KLF8: variants seen among roughly 807,000 people sequenced by gnomAD.
KLF8 encodes the protein Krueppel-like factor 8.
In KLF8, 10 loss-of-function variants were observed where a neutral mutation model predicts 18.2. The observed-to-expected ratio is 0.55, with a 90% CI of 0.34 to 0.93. The LOEUF (loss-of-function observed/expected upper bound fraction) is 0.93, where lower values mean the gene tolerates loss of function less well. KLF8 is among the 40% of genes least tolerant of loss of function. KLF8 has a pLI of 0.02. For synonymous variants in KLF8, 109 were observed against 97.3 expected (o/e 1.12, Z -0.71); for missense variants, 264 against 277.9 (o/e 0.95, Z 0.36).
At chrX:56,147,147 T>C in the KLF8 span, among the ~76,000 whole-genome samples, 1 of 112,449 alleles carries the variant, frequency 8.9e-6, no homozygotes, top group African/African-American at 3.2e-5. Flanking sequence ...CCAGTCATCA[T>C]ATAATCAGGG....
chrX:56,051,844 G>A, the KLF8 span, among the ~76,000 whole-genome samples: 1 of 107,330 alleles, frequency 9.3e-6, no homozygotes, highest in African/African-American at 3.8e-5. Context: ...AGTTCTCCTG[G>A]ATAATACCCT....
chrX:55,942,335 A>G, the KLF8 span, among the ~76,000 whole-genome samples: 633 of 109,309 alleles, frequency 5.8e-3, 1 homozygote, highest in Non-Finnish European at 8.9e-3. Context: ...CATGGACACA[A>G]GAAGGGGAAC....
the KLF8 span, among the ~76,000 whole-genome samples, chrX:56,087,084 G>A: frequency 9.0e-6 from 1 of 111,281 alleles, no homozygotes; most frequent in African/African-American, 3.3e-5. Context: ...TTAAGTAGAG[G>A]CCTCTATTAG....
the KLF8 span, among the ~76,000 whole-genome samples, chrX:56,028,306 A>C: frequency 2.7e-5 from 3 of 110,990 alleles, no homozygotes; most frequent in Admixed American, 2.8e-4. Flanking sequence ...GCTAGCACGC[A>C]AAGTTTGGAA....
the KLF8 span, among the ~76,000 whole-genome samples, chrX:55,939,489 G>T: frequency 9.0e-6 from 1 of 111,195 alleles, no homozygotes; most frequent in Non-Finnish European, 1.9e-5. Context: ...GAGCAAACAC[G>T]TTCAAAATCT....
chrX:56,221,321 T>C, the KLF8 span, among the ~76,000 whole-genome samples: 9 of 111,544 alleles, frequency 8.1e-5, no homozygotes, highest in Admixed American at 9.5e-5. Flanking sequence ...CAACACAGAG[T>C]GGCCAAGGAC....
the KLF8 span, among the ~76,000 whole-genome samples, chrX:56,086,625 T>C: frequency 9.0e-6 from 1 of 111,243 alleles, no homozygotes; most frequent in Admixed American, 9.6e-5. Context: ...GCTTTATTCA[T>C]ATTCTTCTTA....
the KLF8 span, among the ~76,000 whole-genome samples, chrX:56,174,677 G>A: frequency 2.7e-5 from 3 of 111,813 alleles, no homozygotes; most frequent in Non-Finnish European, 5.6e-5. Context: ...AATGGTAACT[G>A]CTCCTCCTTG....
At chrX:56,213,262 C>T in the KLF8 span, among the ~76,000 whole-genome samples, 1 of 96,912 alleles carries the variant, frequency 1.0e-5, no homozygotes, top group African/African-American at 4.0e-5. Context: ...TTAAAATGAC[C>T]TATTTCTTTT....
the KLF8 span, among the ~76,000 whole-genome samples, chrX:56,129,706 G>A: frequency 9.1e-6 from 1 of 109,810 alleles, no homozygotes; most frequent in East Asian, 2.8e-4. Context: ...CCAGTGCGCA[G>A]ACTCAACAGG....
At chrX:56,039,952 G>T in the KLF8 span, among the ~76,000 whole-genome samples, 1 of 111,217 alleles carries the variant, frequency 9.0e-6, no homozygotes, top group Admixed American at 9.6e-5. Context: ...TTTCTTGTTA[G>T]CTCTATTCCT....
chrX:55,974,461 GA>G, the KLF8 span, among the ~76,000 whole-genome samples: 2 of 111,490 alleles, frequency 1.8e-5, 1 homozygote, highest in Non-Finnish European at 3.8e-5. Context: ...CAATAATAAG[GA>G]AAAAATAGAG....
At chrX:56,278,015 A>G (rs2067144852) in intron 5 of KLF8, among the ~76,000 whole-genome samples, 1 of 112,393 alleles carries the variant, frequency 8.9e-6, no homozygotes. Context: ...GCTTATCGTG[A>G]ATGCTGCTTG....
At chrX:56,235,052 C>A (rs1476664900) in intron 1 of KLF8, among the ~76,000 whole-genome samples, 1 of 111,005 alleles carries the variant, frequency 9.0e-6, no homozygotes, top group Admixed American at 9.6e-5. Context: ...AAAAAAATAA[C>A]CATGTAGCAG....
the KLF8 span, among the ~76,000 whole-genome samples, chrX:56,080,098 A>T: frequency 0.075 from 8,342 of 110,842 alleles, 779 homozygotes; most frequent in African/African-American, 0.26. Context: ...TTGACTCTTT[A>T]TCCAATTTGC....
chrX:56,216,780 A>AT, the KLF8 span, among the ~76,000 whole-genome samples: 1 of 108,651 alleles, frequency 9.2e-6, no homozygotes, highest in South Asian at 4.0e-4. Flanking sequence ...CTTTCCTCCA[A>AT]TTTTTCTGGC....
chrX:56,073,958 G>A, the KLF8 span, among the ~76,000 whole-genome samples: 6 of 111,469 alleles, frequency 5.4e-5, no homozygotes, highest in African/African-American at 2.0e-4. Context: ...ATGTTGGCCA[G>A]GCTGGTCTCG....
At chrX:55,995,245 C>G in the KLF8 span, among the ~76,000 whole-genome samples, 1 of 112,137 alleles carries the variant, frequency 8.9e-6, no homozygotes, top group Non-Finnish European at 1.9e-5. Flanking sequence ...ATTGATAGAT[C>G]TTCCTCATTC....
chrX:56,228,926 G>C (rs1378495434), upstream of KLF8, among the ~76,000 whole-genome samples: 1 of 111,521 alleles, frequency 9.0e-6, no homozygotes, highest in African/African-American at 3.3e-5. Flanking sequence ...TTTTCTGTTT[G>C]TATATTGCTT....
Sources: gnomAD v4.1 joint callset for allele counts (sites outside exome capture counted in the v4.1 genomes callset) on GRCh38, gnomAD v4.1.1 for gene constraint, MANE v1.5 for transcripts, NCBI Gene and HGNC (gene_info 2026-07-23, HGNC 2026-07-21) for gene names.